NALCN: variants seen among roughly 807,000 people sequenced by gnomAD.
NALCN encodes sodium leak channel, non-selective, also known as sodium leak channel NALCN.
NALCN carries 111 observed loss-of-function variants against 225.3 expected under a neutral mutation model. The ratio of observed to expected loss-of-function variants is 0.49; its 90% CI spans 0.42 to 0.58. NALCN has a LOEUF of 0.58. Among genes scored for constraint, NALCN ranks in the 20% least tolerant of loss-of-function variants. The probability of loss-of-function intolerance (pLI) is 0.00; values close to 1 mark genes in which losing one functional copy is unlikely to be tolerated. For missense variants in NALCN, 1,378 were observed against 2,202.4 expected, an observed-to-expected ratio of 0.63 and a Z score of 7.49; for synonymous variants, 764 against 769.0, an observed-to-expected ratio of 0.99 and a Z score of 0.11.
chr13:101,350,519 A>G (rs763785271), intron 6 of NALCN, among the ~76,000 whole-genome samples: 1 of 152,032 alleles, frequency 6.6e-6, no homozygotes, highest in Non-Finnish European at 1.5e-5. Context: ...GACAAAGGCA[A>G]TTCATGTTTG....
intron 13 of NALCN, among the ~76,000 whole-genome samples, chr13:101,216,874 A>G (rs1594457074): frequency 2.0e-5 from 3 of 152,184 alleles, no homozygotes; most frequent in Admixed American, 6.6e-5. Flanking sequence ...AAAACTCAAT[A>G]GAGCAAGTAA....
intron 1 of NALCN, among the ~76,000 whole-genome samples, chr13:101,406,865 C>A (rs2139539304): frequency 6.6e-6 from 1 of 152,242 alleles, no homozygotes; most frequent in East Asian, 1.9e-4. Context: ...GATAATCTCA[C>A]CCCATGTAGT....
At chr13:101,261,643 C>A (rs1193307467) in intron 10 of NALCN, among the ~76,000 whole-genome samples, 1 of 152,122 alleles carries the variant, frequency 6.6e-6, no homozygotes, top group Non-Finnish European at 1.5e-5. Flanking sequence ...TTCTTTTTCA[C>A]ACTGTTTGCT....
intron 7 of NALCN, among the ~76,000 whole-genome samples, chr13:101,334,910 G>C (rs1270290133): frequency 6.6e-6 from 1 of 151,820 alleles, no homozygotes; most frequent in Non-Finnish European, 1.5e-5. Flanking sequence ...AGGGAAGGAG[G>C]GAGGGAATTA....
At chr13:101,315,139 G>A (rs9557615) in intron 7 of NALCN, among the ~76,000 whole-genome samples, 3,868 of 152,018 alleles carry the variant, frequency 0.025, 241 homozygotes, top group East Asian at 0.24. Flanking sequence ...GTAATGCTAG[G>A]GAAAAATTGG....
chr13:101,143,711 G>A (rs1447779956), intron 16 of NALCN, among the ~76,000 whole-genome samples: 4 of 152,112 alleles, frequency 2.6e-5, no homozygotes, highest in Non-Finnish European at 5.9e-5. Flanking sequence ...TGATCTGCCC[G>A]GTTCGGCCTC....
At chr13:101,205,005 T>C (rs1193400909) in intron 13 of NALCN, among the ~76,000 whole-genome samples, 1 of 152,136 alleles carries the variant, frequency 6.6e-6, no homozygotes, top group Non-Finnish European at 1.5e-5. Context: ...AATCAAGAAC[T>C]CCAGCTTACA....
At chr13:101,198,290 T>C (rs1438191255) in intron 13 of NALCN, among the ~76,000 whole-genome samples, 1 of 152,042 alleles carries the variant, frequency 6.6e-6, no homozygotes, top group African/African-American at 2.4e-5. Flanking sequence ...AATTGACAAA[T>C]GGGATCTAAT....
intron 28 of NALCN, among the ~76,000 whole-genome samples, chr13:101,092,898 G>A (rs1394466303): frequency 6.6e-6 from 1 of 152,080 alleles, no homozygotes; most frequent in Non-Finnish European, 1.5e-5. Context: ...CAGCATTAAA[G>A]CCCTTAGCAT....
rs1352454196 is a variant in NALCN at position 101,106,064 on chromosome 13, C to T, written c.2580-1114G>A. On this transcript the variant is annotated intron_variant, in intron 22 of 43. Transcript: ENST00000251127. The stretch of plus-strand genomic sequence containing the variant: ...TGGAAATCCAAGATCAAGATGCCAG[C>T]TGAGTTGGTTCTTTCTGAGGGCTGT... 2.0e-5 allele frequency among the ~76,000 whole-genome samples: 3 copies of T among 152,284 alleles called. No individual in the cohort carries two copies. In the East Asian group the frequency reaches 5.8e-4, roughly 29 times the overall value.
intron 22 of NALCN, among the ~76,000 whole-genome samples, chr13:101,105,597 A>G (rs922767956): frequency 2.0e-5 from 3 of 151,490 alleles, no homozygotes; most frequent in African/African-American, 7.3e-5. Flanking sequence ...TAACCATGAG[A>G]TGTTAAGGTA....
At chr13:101,175,799 T>C (rs1594367652) in intron 15 of NALCN, among the ~76,000 whole-genome samples, 2 of 152,234 alleles carry the variant, frequency 1.3e-5, no homozygotes, top group Non-Finnish European at 2.9e-5. Context: ...ACTTTCACCA[T>C]GATGACATCC....
intron 33 of NALCN, among the ~76,000 whole-genome samples, chr13:101,082,587 C>T (rs1157494650): frequency 6.6e-6 from 1 of 152,204 alleles, no homozygotes; most frequent in African/African-American, 2.4e-5. Context: ...AATGTTCAGA[C>T]ACAACAATCG....
chr13:101,204,803 T>C (rs1311326404), intron 13 of NALCN, among the ~76,000 whole-genome samples: 1 of 152,150 alleles, frequency 6.6e-6, no homozygotes, highest in Non-Finnish European at 1.5e-5. Flanking sequence ...GTACTAGGAT[T>C]TCATTGCAGC....
chr13:101,385,907 A>T (rs1324779729), intron 3 of NALCN, among the ~76,000 whole-genome samples: 1 of 152,172 alleles, frequency 6.6e-6, no homozygotes, highest in African/African-American at 2.4e-5. Flanking sequence ...TACATCTTAC[A>T]GTCAAAGTAT....
chr13:101,228,766 A>C, intron 13 of NALCN, among the ~76,000 whole-genome samples: 1 of 152,318 alleles, frequency 6.6e-6, no homozygotes, highest in Middle Eastern at 3.4e-3. Context: ...CTTAGGGTAA[A>C]AATATATACA....
At chr13:101,245,432 T>G (rs989781396) in intron 11 of NALCN, among the ~76,000 whole-genome samples, 1 of 152,186 alleles carries the variant, frequency 6.6e-6, no homozygotes, top group Non-Finnish European at 1.5e-5. Flanking sequence ...CTAAGAAGTC[T>G]TTTAGAGATT....
intron 18 of NALCN, among the ~76,000 whole-genome samples, chr13:101,112,161 G>A (rs2035474416): frequency 6.6e-6 from 1 of 150,436 alleles, no homozygotes; most frequent in African/African-American, 2.5e-5. Flanking sequence ...GGTTTAGATG[G>A]TAAATGTTAT....
chr13:101,123,794 T>C (rs896412807), intron 18 of NALCN, among the ~76,000 whole-genome samples: 4 of 152,320 alleles, frequency 2.6e-5, no homozygotes, highest in Admixed American at 2.0e-4. Context: ...GTCTTCCAAG[T>C]TATAGTAATA....
Sources: gnomAD v4.1 joint callset for allele counts (sites outside exome capture counted in the v4.1 genomes callset) on GRCh38, gnomAD v4.1.1 for gene constraint, MANE v1.5 for transcripts, NCBI Gene and HGNC (gene_info 2026-07-23, HGNC 2026-07-21) for gene names.